Variants in RAP1GAP2 observed in about 807,000 individuals in gnomAD.
RAP1GAP2 encodes the protein RAP1 GTPase activating protein 2, also known as rap1 GTPase-activating protein 2.
A neutral mutation model predicts 95.0 loss-of-function variants in RAP1GAP2; 27 were observed. The observed-to-expected ratio is 0.28, with a 90% CI of 0.21 to 0.39. The LOEUF (loss-of-function observed/expected upper bound fraction) is 0.39, where lower values mean the gene tolerates loss of function less well. Ranked by LOEUF, RAP1GAP2 falls within the 10% of genes least tolerant of loss-of-function variation. The probability of loss-of-function intolerance (pLI) is 1.00; values close to 1 mark genes in which losing one functional copy is unlikely to be tolerated. For synonymous variants in RAP1GAP2, 373 were observed against 380.9 expected (o/e 0.98, Z 0.24); for missense variants, 771 against 970.0 (o/e 0.79, Z 2.72).
At chr17:2,990,939 G>T (rs149828193) in intron 11 of RAP1GAP2, among the ~76,000 whole-genome samples, 157 of 151,282 alleles carry the variant, frequency 1.0e-3, no homozygotes, top group Non-Finnish European at 1.5e-3. Flanking sequence ...CCGCTTCCCA[G>T]GCTCAAGCGA....
At chr17:2,994,240 T>C (rs1272446824) in intron 12 of RAP1GAP2, among the ~76,000 whole-genome samples, 3 of 152,104 alleles carry the variant, frequency 2.0e-5, no homozygotes, top group Non-Finnish European at 4.4e-5. Flanking sequence ...TGTCCAGCAT[T>C]CTTTCTGCCA....
At chr17:2,907,093 T>TA (rs2042222596) in intron 3 of RAP1GAP2, among the ~76,000 whole-genome samples, 1 of 115,798 alleles carries the variant, frequency 8.6e-6, no homozygotes, top group Non-Finnish European at 1.8e-5. Flanking sequence ...AGAAAAGTAT[T>TA]TTTTTCCCCC....
chr17:2,758,957 G>A (rs541473781), intron 1 of RAP1GAP2, among the ~76,000 whole-genome samples: 1 of 152,008 alleles, frequency 6.6e-6, no homozygotes, highest in Non-Finnish European at 1.5e-5. Context: ...ATGTAGCTGG[G>A]GCCATAGTTG....
intron 12 of RAP1GAP2, among the ~76,000 whole-genome samples, chr17:2,991,908 G>C (rs1229623536): frequency 1.3e-5 from 2 of 152,014 alleles, no homozygotes; most frequent in Non-Finnish European, 2.9e-5. Context: ...GGGACTACAG[G>C]CGCCCGCCAA....
intron 2 of RAP1GAP2, among the ~76,000 whole-genome samples, chr17:2,824,601 A>G (rs192605526): frequency 1.3e-4 from 19 of 151,062 alleles, no homozygotes; most frequent in Middle Eastern, 3.5e-3. Context: ...TTAGCCGGGC[A>G]TGGTGGTGCA....
At chr17:2,878,918 C>T (rs557121877) in intron 2 of RAP1GAP2, among the ~76,000 whole-genome samples, 2 of 152,340 alleles carry the variant, frequency 1.3e-5, no homozygotes, top group East Asian at 3.9e-4. Context: ...ATAATAGTGC[C>T]CTCTTCCCGT....
In RAP1GAP2 at chr17:2,870,789, G is replaced by C. The variant is rs1465054453; in HGVS notation, c.81-34495G>C. ...GGCTGGGGTAACCCATCTGTGGAAA[G>C]GGTTGGGCCTCAGAAACAGCTGGAT... is the stretch of plus-strand genomic sequence containing the variant. On this transcript the variant is annotated intron_variant, in intron 2 of 24. Coordinates refer to ENST00000254695, the MANE Select transcript of RAP1GAP2 (RefSeq NM_015085.5). The surrounding 1 kb of genome is among the most constrained non-coding windows in gnomAD (Gnocchi z 4.4). 6.6e-6 allele frequency among the ~76,000 whole-genome samples: 1 copy of C among 152,174 alleles called. No individual in the cohort carries two copies. The highest frequency in any genetic ancestry group is 2.4e-5 in the African/African-American group (1 of 41,446).
At chr17:2,937,581 C>G (rs577674834) in intron 3 of RAP1GAP2, among the ~76,000 whole-genome samples, 1 of 152,242 alleles carries the variant, frequency 6.6e-6, no homozygotes, top group African/African-American at 2.4e-5. Flanking sequence ...GATGCACGAG[C>G]CTTATCCTGG....
At chr17:2,931,045 C>A (rs1015833551) in intron 3 of RAP1GAP2, among the ~76,000 whole-genome samples, 1 of 150,076 alleles carries the variant, frequency 6.7e-6, no homozygotes, top group Non-Finnish European at 1.5e-5. Context: ...TCGCTTGAAC[C>A]TGGGAGGCAG....
At chr17:2,823,820 C>G (rs2070414201) in intron 2 of RAP1GAP2, among the ~76,000 whole-genome samples, 1 of 152,114 alleles carries the variant, frequency 6.6e-6, no homozygotes, top group East Asian at 1.9e-4. Flanking sequence ...AGCAACACGA[C>G]TGAACAAGAA....
At chr17:2,767,090 G>A (rs2068289956) in intron 1 of RAP1GAP2, among the ~76,000 whole-genome samples, 5 of 151,812 alleles carry the variant, frequency 3.3e-5, no homozygotes, top group South Asian at 2.1e-4. Flanking sequence ...GTGGCCAGGC[G>A]TGGTGGCTCA....
At position 3,035,925 on chromosome 17, in the gene RAP1GAP2, A is replaced by G. The variant is rs962697733; in HGVS notation, c.*2564A>G. 5.9e-5 allele frequency: 9 copies of G among 152,258 alleles called. No homozygotes were observed. The highest frequency in any genetic ancestry group is 2.2e-4 in the African/African-American group (9 of 41,520). 9.4% of individuals were successfully genotyped at this position (152,258 alleles called of 1,614,324 possible). ...GGCCCTCGTGACTAGGCTCATCTAG[A>G]TGGTGCTCACGCTGGTGTTTGAGGC... is the stretch of plus-strand genomic sequence containing the variant. On this transcript the variant is annotated 3_prime_UTR_variant, in exon 25 of 25. Coordinates refer to ENST00000254695, the MANE Select transcript of RAP1GAP2 (RefSeq NM_015085.5). The surrounding 1 kb of genome is among the most constrained non-coding windows in gnomAD (Gnocchi z 4.3).
chr17:2,851,638 C>A (rs954952044), intron 2 of RAP1GAP2, among the ~76,000 whole-genome samples: 15 of 152,168 alleles, frequency 9.9e-5, no homozygotes, highest in African/African-American at 3.1e-4. Flanking sequence ...TGCAGTGACA[C>A]TGGGCTTGTA....
rs1319054693 is a variant in RAP1GAP2, at chr17:2,797,033, C to T, written c.44+462C>T. Among the ~76,000 whole-genome samples the T allele has an allele frequency of 6.6e-6, 1 of 152,000 alleles. No individual in the cohort carries two copies. Among genetic ancestry groups the T allele is most frequent in the East Asian group, 1.9e-4 (1 of 5,178 alleles). On this transcript the variant is annotated intron_variant, in intron 1 of 24. Transcript: ENST00000254695. The surrounding 1 kb of genome is among the most constrained non-coding windows in gnomAD (Gnocchi z 5.6). ...TGTGGGCAGCTGCCTGTCTGCACTT[C>T]TGGCCTTCTGTGTCTGTGTGTGCTT... is the stretch of plus-strand genomic sequence containing the variant.
intron 2 of RAP1GAP2, among the ~76,000 whole-genome samples, chr17:2,892,280 C>T (rs1025131338): frequency 3.3e-5 from 5 of 152,162 alleles, no homozygotes; most frequent in Non-Finnish European, 7.3e-5. Flanking sequence ...CCCAGAGACT[C>T]AGGACCTTCA....
At chr17:2,973,164 A>G (rs1002690104) in intron 8 of RAP1GAP2, among the ~76,000 whole-genome samples, 3 of 152,128 alleles carry the variant, frequency 2.0e-5, no homozygotes, top group African/African-American at 7.2e-5. Flanking sequence ...ATTTTATCCT[A>G]AGAGTCATAG....
At chr17:3,014,053 ACGACACACG>A (rs2046665730) in intron 17 of RAP1GAP2, among the ~76,000 whole-genome samples, 3 of 152,040 alleles carry the variant, frequency 2.0e-5, no homozygotes, top group South Asian at 2.1e-4. Context: ...AATACGTCCT[ACGACACACG>A]TCGGCTATAG....
At chr17:2,945,019 G>T (rs112095004) in intron 3 of RAP1GAP2, among the ~76,000 whole-genome samples, 1 of 151,956 alleles carries the variant, frequency 6.6e-6, no homozygotes, top group African/African-American at 2.4e-5. Flanking sequence ...GATTACAGGC[G>T]CCCGCCACCA....
intron 3 of RAP1GAP2, among the ~76,000 whole-genome samples, chr17:2,940,822 G>A (rs1348341158): frequency 2.0e-5 from 3 of 152,174 alleles, no homozygotes; most frequent in African/African-American, 7.2e-5. Flanking sequence ...CTGTTTTCTT[G>A]CCTTTCTTCT....
Sources: gnomAD v4.1 joint callset for allele counts (sites outside exome capture counted in the v4.1 genomes callset) on GRCh38, gnomAD v4.1.1 for gene constraint, Gnocchi (gnomAD v3.1) non-coding constraint, MANE v1.5 for transcripts, NCBI Gene and HGNC (gene_info 2026-07-23, HGNC 2026-07-21) for gene names.